SDAD1: variants seen among roughly 807,000 people sequenced by gnomAD.
The protein encoded by SDAD1 is SDA1 domain containing 1.
A neutral mutation model predicts 100.3 loss-of-function variants in SDAD1; 79 were observed. The observed-to-expected ratio is 0.79, with a 90% CI of 0.66 to 0.95. SDAD1 has a LOEUF of 0.95. Among genes scored for constraint, SDAD1 ranks in the 40% least tolerant of loss-of-function variants. SDAD1 has a pLI of 0.00. For missense variants in SDAD1, 790 were observed against 810.9 expected, an observed-to-expected ratio of 0.97 and a Z score of 0.31; for synonymous variants, 267 against 271.4, an observed-to-expected ratio of 0.98 and a Z score of 0.16.
chr4:75,967,435 C>A, intron 11 of SDAD1, 101 bp from the exon 12 acceptor site: 3 of 1,087,186 alleles, frequency 2.8e-6, no homozygotes, highest in Non-Finnish European at 4.1e-6. Context: ...AATTGCAGAA[C>A]ACTTTTGTTT....
In SDAD1 at chr4:75,957,709, C is replaced by T. The variant is rs1230369085; in HGVS notation, c.1579-1G>A. 1 of 1,614,022 alleles carries T rather than the reference C, an allele frequency of 6.2e-7. No homozygotes were observed. On this transcript the variant is annotated splice_acceptor_variant, in intron 18 of 21. Transcript: ENST00000356260. LOFTEE classifies it high-confidence loss of function. ...TGGGCATGCTGTTCAGCTTCTTGGA[C>T]TTGAAACCACACAAGGGCTTAAATG...
At chr4:75,950,890 A>G in intron 21 of SDAD1, 93 bp from the exon 22 acceptor site, 1 of 711,454 alleles carries the variant, frequency 1.4e-6, no homozygotes, top group Middle Eastern at 2.6e-4. Context: ...AGGAATCACC[A>G]AGTCAATACA....
In SDAD1 at chr4:75,973,336, T is replaced by C; in HGVS notation, c.692A>G (p.Asp231Gly). Reference sequence around the variant, plus strand: ...ACTAACCTCAGATTCGGAGTCACTGTCCTGTTTTTCATCTTCATCTTTCCC... The same window carrying C: ...ACTAACCTCAGATTCGGAGTCACTGCCCTGTTTTTCATCTTCATCTTTCCC... ...FLGKDEDEKQ[D>G]SDSESEDDGP... Residue 231 changes from aspartate to glycine, a missense_variant, in exon 8 of 22, where the codon GAC becomes GGC. Transcript: ENST00000356260. 6.2e-7 allele frequency: 1 copy of C among 1,613,530 alleles called. No homozygotes were observed. The highest frequency in any genetic ancestry group is 8.5e-7 in the Non-Finnish European group (1 of 1,179,616).
intron 1 of SDAD1, 37 bp downstream of exon 1, chr4:75,990,715 T>A (rs774077390): frequency 8.7e-6 from 14 of 1,612,768 alleles, no homozygotes; most frequent in Non-Finnish European, 1.2e-5. Flanking sequence ...AACCATCCAC[T>A]ATCCGGCCTC....
chr4:75,959,367 G>A (rs902763842), intron 17 of SDAD1, among the ~76,000 whole-genome samples: 1 of 152,146 alleles, frequency 6.6e-6, no homozygotes, highest in African/African-American at 2.4e-5. Context: ...ACTTTGGGAG[G>A]CCAAAATGGG....
chr4:75,979,329 C>T (rs1017947426), intron 3 of SDAD1, among the ~76,000 whole-genome samples: 4 of 152,022 alleles, frequency 2.6e-5, no homozygotes, highest in South Asian at 4.1e-4. Flanking sequence ...AGAAAGATAG[C>T]CCAGTGGCTG....
At chr4:75,964,284 C>G in intron 13 of SDAD1, 73 bp from the exon 14 acceptor site, 1 of 1,008,702 alleles carries the variant, frequency 9.9e-7, no homozygotes. Flanking sequence ...AATGAAAGGA[C>G]AATAGATTAT....
intron 11 of SDAD1, 108 bp downstream of exon 11, chr4:75,969,188 A>AATGTATG: frequency 1.5e-6 from 1 of 652,500 alleles, no homozygotes; most frequent in African/African-American, 1.8e-5. Context: ...TATGTGTTTA[A>AATGTATG]ATGTATGAGG....
intron 6 of SDAD1, among the ~76,000 whole-genome samples, 198 bp downstream of exon 6, chr4:75,975,546 G>A (rs111753044): frequency 5.3e-4 from 80 of 152,108 alleles, no homozygotes; most frequent in Non-Finnish European, 2.5e-4. Context: ...CAAAGTGCCC[G>A]ACCTCAGTAG....
chr4:75,971,961 T>TG (rs1304615771), intron 8 of SDAD1, among the ~76,000 whole-genome samples: 1 of 143,404 alleles, frequency 7.0e-6, no homozygotes, highest in African/African-American at 2.5e-5. Context: ...TTTTTTGAGA[T>TG]GGAGTCTCAT....
chr4:75,990,660 G>A, intron 1 of SDAD1, 92 bp downstream of exon 1: 1 of 1,604,082 alleles, frequency 6.2e-7, no homozygotes, highest in South Asian at 1.1e-5. Context: ...TAGGCGGCGA[G>A]CCTGGATCCC....
chr4:75,982,911 C>T (rs1730627552), intron 1 of SDAD1, among the ~76,000 whole-genome samples: 2 of 152,082 alleles, frequency 1.3e-5, no homozygotes, highest in African/African-American at 4.8e-5. Context: ...CTGTCATCCA[C>T]ATTAGGTATT....
At chr4:75,952,923 A>C (rs1322080892) in intron 21 of SDAD1, among the ~76,000 whole-genome samples, 1 of 152,236 alleles carries the variant, frequency 6.6e-6, no homozygotes, top group Non-Finnish European at 1.5e-5. Context: ...TATTGTTACA[A>C]TTTCCTCTTT....
chr4:75,981,652 A>G (rs1169763804), intron 2 of SDAD1, 182 bp from the exon 3 acceptor site: 2 of 1,041,900 alleles, frequency 1.9e-6, no homozygotes, highest in Non-Finnish European at 2.8e-6. Flanking sequence ...TGGTTTCTCT[A>G]GTCTTAGTAA....
At position 75,973,857 on chromosome 4, in the gene SDAD1, T is replaced by G. The variant is rs189226215; in HGVS notation, c.636+219A>C. The stretch of plus-strand genomic sequence containing the variant: ...AAGTTCAGATGACCCAGGAAAGCAG[T>G]ATAGGAACAAAGAAAGCATCACTTA... On this transcript the variant is annotated intron_variant, in intron 7 of 21. Coordinates refer to ENST00000356260, the MANE Select transcript of SDAD1 (RefSeq NM_018115.4). 1.2e-4 allele frequency among the ~76,000 whole-genome samples: 19 copies of G among 152,010 alleles called. No homozygotes were observed. In the East Asian group the frequency reaches 3.7e-3, roughly 30 times the overall value.
At position 75,982,098 on chromosome 4, in the gene SDAD1, A is replaced by C. The variant is rs570463232; in HGVS notation, c.91-61T>G. 1.3e-3 allele frequency: 1,224 copies of C among 958,338 alleles called. 2 individuals carry two copies. The highest frequency in any genetic ancestry group is 1.8e-3 in the Non-Finnish European group (1,139 of 631,984). The allele number at this position is 958,338 out of a possible 1,614,324, so 59.4% of individuals were successfully genotyped here. On this transcript the variant is annotated intron_variant, in intron 1 of 21. Coordinates refer to ENST00000356260, the MANE Select transcript of SDAD1 (RefSeq NM_018115.4). ...ATTACATGACTTTCTCAGTACAGAC[A>C]TTCAGTAGAGAAATTCTTAGTAGAA...
chr4:75,952,083 G>T (rs1483396457), intron 21 of SDAD1, among the ~76,000 whole-genome samples: 1 of 152,048 alleles, frequency 6.6e-6, no homozygotes, highest in Non-Finnish European at 1.5e-5. Flanking sequence ...AGAAGAGCTG[G>T]GATACTTAAG....
rs1459977074 is a variant in SDAD1, at chr4:75,967,465, T to C, written c.988-131A>G. On this transcript the variant is annotated intron_variant, in intron 11 of 21. Transcript: ENST00000356260. Reference sequence around the variant, plus strand: ...TTGTTTTTTTCTCAGTAAGCAATCATGCCCTAGGATGATTCAATATGCTAT... The same window carrying C: ...TTGTTTTTTTCTCAGTAAGCAATCACGCCCTAGGATGATTCAATATGCTAT... 2.3e-5 allele frequency: 17 copies of C among 726,168 alleles called. No individual in the cohort carries two copies. In the Admixed American group the frequency reaches 3.9e-4, roughly 17 times the overall value. The allele number at this position is 726,168 out of a possible 1,614,324, so 45.0% of individuals were successfully genotyped here.
At chr4:75,984,638 T>C (rs1730758588) in intron 1 of SDAD1, among the ~76,000 whole-genome samples, 1 of 152,166 alleles carries the variant, frequency 6.6e-6, no homozygotes, top group Non-Finnish European at 1.5e-5. Context: ...TTACTTATGT[T>C]TAGTTGTAAC....
Sources: gnomAD v4.1 joint callset for allele counts (sites outside exome capture counted in the v4.1 genomes callset) on GRCh38, gnomAD v4.1.1 for gene constraint, MANE v1.5 for transcripts, NCBI Gene and HGNC (gene_info 2026-07-23, HGNC 2026-07-21) for gene names.